Variants in DLG2 observed in about 807,000 individuals in gnomAD.
DLG2 encodes discs large MAGUK scaffold protein 2, also known as disks large homolog 2.
A neutral mutation model predicts 132.5 loss-of-function variants in DLG2; 45 were observed. The observed-to-expected ratio is 0.34, with a 90% confidence interval of 0.27 to 0.44. The LOEUF is 0.44. Ranked by LOEUF, DLG2 falls within the 20% of genes least tolerant of loss-of-function variation. DLG2 has a pLI of 1.00. For missense variants in DLG2, 1,045 were observed against 1,196.9 expected (o/e 0.87, Z 1.87); for synonymous variants, 424 against 419.6 (o/e 1.01, Z -0.13).
At chr11:83,938,671 T>C (rs1274098440) in intron 14 of DLG2, among the ~76,000 whole-genome samples, 1 of 152,204 alleles carries the variant, frequency 6.6e-6, no homozygotes, top group Non-Finnish European at 1.5e-5. Context: ...ACCAAAAACC[T>C]ACTTTGTGGC....
At chr11:85,516,618 A>C (rs1043080379) in intron 3 of DLG2, among the ~76,000 whole-genome samples, 1 of 152,144 alleles carries the variant, frequency 6.6e-6, no homozygotes, top group African/African-American at 2.4e-5. Flanking sequence ...CAGAAATACA[A>C]TTGATAATCA....
chr11:83,593,507 G>A (rs951043176), intron 19 of DLG2, among the ~76,000 whole-genome samples: 4 of 151,894 alleles, frequency 2.6e-5, no homozygotes, highest in Admixed American at 6.6e-5. Flanking sequence ...GGTTGGCGGA[G>A]GGGGGAGGGA....
chr11:84,428,574 A>G (rs2154471945), intron 7 of DLG2, among the ~76,000 whole-genome samples: 1 of 152,348 alleles, frequency 6.6e-6, no homozygotes, highest in South Asian at 2.1e-4. Context: ...GTCCTCACAC[A>G]GTGGAGACAA....
rs141436785 is a variant in DLG2 at position 84,276,426 on chromosome 11, A to G, written c.520-25135T>C. Among the ~76,000 whole-genome samples, 415 of 152,336 alleles carry G rather than the reference A, an allele frequency of 2.7e-3. 8 individuals are homozygous for G. Among genetic ancestry groups the G allele is most frequent in the Non-Finnish European group, 9.7e-4 (66 of 68,034 alleles). ...CAATATTTACCTTATCAAATATTTAACTTAGTTCAATTTGACTCAGTTTAA... is the reference window on the plus strand; with the variant it reads ...CAATATTTACCTTATCAAATATTTAGCTTAGTTCAATTTGACTCAGTTTAA... On this transcript the variant is annotated intron_variant, in intron 7 of 27. Coordinates refer to ENST00000376104, the MANE Select transcript of DLG2 (RefSeq NM_001142699.3).
intron 6 of DLG2, among the ~76,000 whole-genome samples, chr11:84,819,327 C>A (rs1201630850): frequency 6.6e-6 from 1 of 151,936 alleles, no homozygotes; most frequent in African/African-American, 2.4e-5. Flanking sequence ...AAAGCCAACT[C>A]TCTTAAGTCT....
At chr11:85,346,548 G>A (rs1037701359) in intron 3 of DLG2, among the ~76,000 whole-genome samples, 1 of 152,068 alleles carries the variant, frequency 6.6e-6, no homozygotes, top group Non-Finnish European at 1.5e-5. Context: ...GCAAAATTAA[G>A]AATGCCTTTG....
At chr11:85,556,197 G>C (rs193169436) in intron 3 of DLG2, among the ~76,000 whole-genome samples, 1 of 151,860 alleles carries the variant, frequency 6.6e-6, no homozygotes, top group East Asian at 1.9e-4. Flanking sequence ...TCTACTCATT[G>C]CGTGTTTACT....
intron 6 of DLG2, among the ~76,000 whole-genome samples, chr11:84,613,132 G>C (rs1469464268): frequency 6.6e-6 from 1 of 152,022 alleles, no homozygotes; most frequent in African/African-American, 2.4e-5. Context: ...ATCTAATTTG[G>C]AATCCTCCTA....
At chr11:84,850,012 C>A (rs2154021185) in intron 6 of DLG2, among the ~76,000 whole-genome samples, 1 of 152,170 alleles carries the variant, frequency 6.6e-6, no homozygotes, top group African/African-American at 2.4e-5. Flanking sequence ...TATTCCATTT[C>A]TAATTATTTA....
chr11:85,445,495 T>C (rs2091967991), intron 3 of DLG2, among the ~76,000 whole-genome samples: 1 of 152,170 alleles, frequency 6.6e-6, no homozygotes, highest in South Asian at 2.1e-4. Context: ...CTGGTCAACA[T>C]GGTGAAACCC....
At chr11:84,980,451 C>CA (rs1262140732) in intron 6 of DLG2, among the ~76,000 whole-genome samples, 1 of 152,094 alleles carries the variant, frequency 6.6e-6, no homozygotes, top group Non-Finnish European at 1.5e-5. Context: ...ACAGGCCAAT[C>CA]AACACTGTAT....
At chr11:85,505,534 T>C (rs1226389401) in intron 3 of DLG2, among the ~76,000 whole-genome samples, 2 of 152,232 alleles carry the variant, frequency 1.3e-5, no homozygotes, top group African/African-American at 2.4e-5. Flanking sequence ...TTGATTTGCG[T>C]ATGTTGAACC....
chr11:84,730,774 G>A (rs1233109301), intron 6 of DLG2, among the ~76,000 whole-genome samples: 1 of 151,836 alleles, frequency 6.6e-6, no homozygotes, highest in East Asian at 1.9e-4. Context: ...CATACCCCCA[G>A]GAACACCACT....
chr11:83,920,760 C>T (rs1488550010), intron 15 of DLG2, among the ~76,000 whole-genome samples: 1 of 145,736 alleles, frequency 6.9e-6, no homozygotes, highest in Non-Finnish European at 1.5e-5. Flanking sequence ...TAGAAAAGTC[C>T]CTTGCTCAAG....
Position 84,129,420 on chromosome 11 carries a change from G to T in DLG2, c.625-30373C>A, listed in dbSNP as rs186783594. On this transcript the variant is annotated intron_variant, in intron 9 of 27. Transcript: ENST00000376104. ...TACAGTCTCATTATCTATATAAACT[G>T]TCCAAATGTCCCCCAAATTTCAATG... Among the ~76,000 whole-genome samples, 5 of 152,100 alleles carry T rather than the reference G, an allele frequency of 3.3e-5. No homozygotes were observed. In the East Asian group the frequency reaches 9.7e-4, roughly 29 times the overall value.
intron 9 of DLG2, among the ~76,000 whole-genome samples, chr11:84,154,597 C>T (rs2095385747): frequency 6.6e-6 from 1 of 152,124 alleles, no homozygotes; most frequent in Admixed American, 6.5e-5. Flanking sequence ...GTGCTGCAAC[C>T]AGTAACTCGT....
chr11:84,573,341 G>T (rs937537312), intron 6 of DLG2, among the ~76,000 whole-genome samples: 4 of 152,038 alleles, frequency 2.6e-5, no homozygotes, highest in Non-Finnish European at 5.9e-5. Flanking sequence ...ACTAAAAAGT[G>T]AATTAATCTA....
chr11:85,468,562 G>A (rs777344489), intron 3 of DLG2, among the ~76,000 whole-genome samples: 4 of 151,984 alleles, frequency 2.6e-5, no homozygotes, highest in East Asian at 1.9e-4. Context: ...CCTTCCTTTC[G>A]TTATGTACCC....
chr11:85,561,326 T>C (rs1339084601), intron 3 of DLG2, among the ~76,000 whole-genome samples: 3 of 59,394 alleles, frequency 5.1e-5, no homozygotes, highest in Admixed American at 3.3e-4. Context: ...AGCAAGACCC[T>C]ATCTCAAAAA....
Sources: allele counts gnomAD v4.1 joint callset (sites outside exome capture counted in the v4.1 genomes callset), GRCh38; gene constraint gnomAD v4.1.1; transcripts MANE v1.5; gene names NCBI Gene and HGNC (gene_info 2026-07-23, HGNC 2026-07-21).